The following MISFA variants were observed in gnomAD, a reference collection of about 807,000 sequenced individuals.
The protein encoded by MISFA is mitochondrial sheath formation associated, also known as mitochondrial sheath formation-associated protein.
the MISFA span, chr11:18,602,629 C>T: frequency 1.3e-5 from 2 of 152,920 alleles, no homozygotes; most frequent in Non-Finnish European, 2.9e-5. Context: ...AACAGCCTAA[C>T]AATAGCATAT....
At chr11:18,603,944 T>TTG in the MISFA span, 1 of 343,326 alleles carries the variant, frequency 2.9e-6, no homozygotes, top group African/African-American at 2.7e-5. Flanking sequence ...TTTTTTTTTT[T>TTG]GAGACAGAGT....
the MISFA span, chr11:18,603,078 C>T: frequency 1.3e-5 from 5 of 398,894 alleles, no homozygotes; most frequent in African/African-American, 2.1e-5. Context: ...TCCAGAAGCA[C>T]TTGTTTCTTC....
At chr11:18,600,207 T>C in the MISFA span, among the ~76,000 whole-genome samples, 2 of 151,936 alleles carry the variant, frequency 1.3e-5, no homozygotes, top group Non-Finnish European at 2.9e-5. Context: ...TATTTATTAT[T>C]ATTATTATTT....
the MISFA span, chr11:18,602,190 C>T: frequency 1.3e-5 from 2 of 152,164 alleles, no homozygotes; most frequent in Admixed American, 1.3e-4. Context: ...GGTTTCTTAA[C>T]GTTTCACCCC....
At chr11:18,607,389 CT>C in the MISFA span, 1 of 152,590 alleles carries the variant, frequency 6.6e-6, no homozygotes, top group Admixed American at 6.6e-5. Flanking sequence ...ATGAAAACTA[CT>C]TTCCTTTCAC....
At chr11:18,609,803 AG>A in the MISFA span, 4 of 1,527,648 alleles carry the variant, frequency 2.6e-6, no homozygotes, top group African/African-American at 4.1e-5. Context: ...TTCAGTCTGA[AG>A]GCAGGAAATC....
chr11:18,601,217 C>T, the MISFA span: 1 of 398,410 alleles, frequency 2.5e-6, no homozygotes, highest in African/African-American at 2.1e-5. Flanking sequence ...TTGGATTCCT[C>T]CCTTTCCAAA....
At chr11:18,604,849 C>G in the MISFA span, among the ~76,000 whole-genome samples, 3 of 152,148 alleles carry the variant, frequency 2.0e-5, no homozygotes, top group Non-Finnish European at 2.9e-5. Flanking sequence ...AAGATCCAGG[C>G]CTTCTCCCTT....
chr11:18,603,917 CTTTTTTTTTTTTT>C, the MISFA span: 15 of 52,992 alleles, frequency 2.8e-4, no homozygotes, highest in Admixed American at 1.1e-3. Flanking sequence ...AGTTACCGCA[CTTTTTTTTTTTTT>C]TTTTTTTTTT....
At chr11:18,604,508 T>A in the MISFA span, among the ~76,000 whole-genome samples, 41 of 151,812 alleles carry the variant, frequency 2.7e-4, no homozygotes, top group Non-Finnish European at 4.9e-4. Context: ...ATACAAAAAA[T>A]TAGCTAGGGC....
At chr11:18,609,651 G>A in the MISFA span, 7 of 573,798 alleles carry the variant, frequency 1.2e-5, no homozygotes, top group East Asian at 2.0e-4. Flanking sequence ...AGCACAAGTG[G>A]GCATTATATC....
the MISFA span, chr11:18,603,691 G>C: frequency 2.5e-6 from 1 of 398,494 alleles, no homozygotes; most frequent in East Asian, 3.6e-5. Flanking sequence ...GCCAGTCCTT[G>C]CCTGGGAGGC....
the MISFA span, chr11:18,603,978 G>A: frequency 1.3e-4 from 43 of 318,974 alleles, no homozygotes; most frequent in Non-Finnish European, 5.5e-6. Context: ...CCAGGCTGGA[G>A]TGCAGTGGCG....
the MISFA span, chr11:18,601,578 T>A: frequency 2.8e-4 from 113 of 398,472 alleles, no homozygotes; most frequent in African/African-American, 2.1e-3. Flanking sequence ...TGGCTAATTT[T>A]TTTTTTATTT....
At chr11:18,603,920 T>A in the MISFA span, 2 of 297,894 alleles carry the variant, frequency 6.7e-6, no homozygotes, top group Non-Finnish European at 1.1e-5. Context: ...TACCGCACTT[T>A]TTTTTTTTTT....
the MISFA span, chr11:18,600,079 G>C: frequency 2.5e-6 from 1 of 398,594 alleles, no homozygotes; most frequent in Non-Finnish European, 4.4e-6. Context: ...CTGACCAAAT[G>C]GGAAAGATAG....
chr11:18,607,346 A>T, the MISFA span: 2 of 152,770 alleles, frequency 1.3e-5, no homozygotes, highest in African/African-American at 4.8e-5. Flanking sequence ...TATCAAAAGC[A>T]AGTGGGACTG....
At chr11:18,607,061 C>T in the MISFA span, 1 of 229,386 alleles carries the variant, frequency 4.4e-6, no homozygotes, top group Non-Finnish European at 8.5e-6. Context: ...GGGTCTCACA[C>T]CATGTTGGCC....
At chr11:18,603,808 G>GAT in the MISFA span, 1 of 390,532 alleles carries the variant, frequency 2.6e-6, no homozygotes, top group Non-Finnish European at 4.5e-6. Flanking sequence ...TCCTGGTGAA[G>GAT]TAATGCAGCT....
Sources: allele counts gnomAD v4.1 joint callset (sites outside exome capture counted in the v4.1 genomes callset), GRCh38; gene constraint gnomAD v4.1.1; transcripts MANE v1.5; gene names NCBI Gene and HGNC (gene_info 2026-07-23, HGNC 2026-07-21).